The following PLXNA2 variants were observed in gnomAD, a reference collection of about 807,000 sequenced individuals.
The protein encoded by PLXNA2 is plexin A2, also known as plexin-A2.
A neutral mutation model predicts 193.5 loss-of-function variants in PLXNA2; 91 were observed. That is an observed-to-expected ratio of 0.47 (90% CI 0.40 to 0.56). The LOEUF is 0.56. Ranked by LOEUF, PLXNA2 falls within the 20% of genes least tolerant of loss-of-function variation. The pLI is 0.00. For missense variants in PLXNA2, 1,995 were observed against 2,503.2 expected, an observed-to-expected ratio of 0.80 and a Z score of 4.33; for synonymous variants, 997 against 1,027.3, an observed-to-expected ratio of 0.97 and a Z score of 0.56.
At chr1:208,060,970 G>C in intron 12 of PLXNA2, 133 bp from the exon 13 acceptor site, 1 of 698,434 alleles carries the variant, frequency 1.4e-6, no homozygotes, top group East Asian at 2.8e-5. Flanking sequence ...ATTCTGGTGA[G>C]TGAGTGCGTT....
chr1:208,085,543 C>T (rs1416873576), intron 9 of PLXNA2, among the ~76,000 whole-genome samples: 1 of 152,214 alleles, frequency 6.6e-6, no homozygotes, highest in Non-Finnish European at 1.5e-5. Context: ...TGCTGGATTT[C>T]CTACAAGGTG....
chr1:208,118,745 T>G (rs1473493658), intron 4 of PLXNA2, among the ~76,000 whole-genome samples: 1 of 151,290 alleles, frequency 6.6e-6, no homozygotes, highest in Non-Finnish European at 1.5e-5. Flanking sequence ...AAAGATACAT[T>G]TTTTTTCTTT....
At position 208,051,024 on chromosome 1, in the gene PLXNA2, G is replaced by A. The variant is rs1310615294; in HGVS notation, c.3240C>T (p.Gly1080=). 6.2e-7 allele frequency: 1 copy of A among 1,612,456 alleles called. No homozygotes were observed. The highest frequency in any genetic ancestry group is 8.5e-7 in the Non-Finnish European group (1 of 1,178,600). The part of the protein sequence containing the change: ...QEPRIRVKFN[G]KESVNVCKVV... ...AGTTACTCACATTGACAGATTCTTT[G>A]CCATTGAATTTGACTCGGATCCTTG... Residue 1080 remains glycine, a synonymous_variant, in exon 17 of 32, where the codon GGC becomes GGT. Coordinates refer to ENST00000367033, the MANE Select transcript of PLXNA2 (RefSeq NM_025179.4).
chr1:208,029,392 C>G, intron 29 of PLXNA2: 1 of 1,074,036 alleles, frequency 9.3e-7, no homozygotes, highest in Non-Finnish European at 1.1e-6. Flanking sequence ...GGGCTTCACA[C>G]AAAGCCACCA....
intron 4 of PLXNA2, among the ~76,000 whole-genome samples, chr1:208,121,340 G>A (rs1046298801): frequency 6.6e-6 from 1 of 152,146 alleles, no homozygotes; most frequent in Non-Finnish European, 1.5e-5. Flanking sequence ...TGTTTTAGAA[G>A]CAGATGGTTA....
rs117739092 is a variant in PLXNA2, at chr1:208,171,797, A to G, written c.1372-29334T>C. ...CTTGAGCCCACGAGATCCAGGCTGCAGTGAGCCATGATTGCATCACTGCAT... is the reference window on the plus strand; with the variant it reads ...CTTGAGCCCACGAGATCCAGGCTGCGGTGAGCCATGATTGCATCACTGCAT... On this transcript the variant is annotated intron_variant, in intron 3 of 31. Coordinates refer to ENST00000367033, the MANE Select transcript of PLXNA2 (RefSeq NM_025179.4). Among the ~76,000 whole-genome samples the G allele has an allele frequency of 0.016, 2,440 of 152,234 alleles. 109 individuals carry two copies. In the East Asian group the frequency reaches 0.18, roughly 11 times the overall value.
In PLXNA2 at chr1:208,079,421, C is replaced by T; in HGVS notation, c.2425G>A (p.Glu809Lys). 6.2e-7 allele frequency: 1 copy of T among 1,608,962 alleles called. No individual in the cohort carries two copies. The highest frequency in any genetic ancestry group is 1.3e-5 in the African/African-American group (1 of 74,946). ...VHLYKCAAQR[E>K]SCGLCLKADR... is the part of the protein sequence containing the mutation. ...GCCTTGAGGCAGAGGCCGCAGCTCT[C>T]CCGCTGGGCTGCACACTTGTAGAGA... Residue 809 changes from glutamate to lysine, a missense_variant, in exon 12 of 32, where the codon GAG (glutamate) becomes AAG (lysine). Coordinates refer to ENST00000367033, the MANE Select transcript of PLXNA2 (RefSeq NM_025179.4).
chr1:208,119,154 T>A (rs1309248215), intron 4 of PLXNA2, among the ~76,000 whole-genome samples: 1 of 152,176 alleles, frequency 6.6e-6, no homozygotes, highest in Non-Finnish European at 1.5e-5. Flanking sequence ...TCTTTTTTTT[T>A]AGAGCAGGAG....
At chr1:208,069,880 A>G (rs1195695684) in intron 12 of PLXNA2, among the ~76,000 whole-genome samples, 1 of 152,228 alleles carries the variant, frequency 6.6e-6, no homozygotes, top group East Asian at 1.9e-4. Context: ...GCTTATAATG[A>G]GTAAGGAATT....
At chr1:208,231,351 G>A (rs567005702) in intron 1 of PLXNA2, among the ~76,000 whole-genome samples, 7 of 152,118 alleles carry the variant, frequency 4.6e-5, no homozygotes, top group African/African-American at 9.6e-5. Context: ...GGAGGGAAGC[G>A]GGAGGGAGGG....
chr1:208,152,668 TAC>T (rs10564360), intron 3 of PLXNA2, among the ~76,000 whole-genome samples: 37,279 of 137,344 alleles, frequency 0.27, 5,349 homozygotes, highest in Non-Finnish European at 0.35. Context: ...TGCATACACA[TAC>T]ACACACACAC....
At chr1:208,196,211 C>T (rs1260420426) in intron 3 of PLXNA2, among the ~76,000 whole-genome samples, 1 of 152,128 alleles carries the variant, frequency 6.6e-6, no homozygotes, top group African/African-American at 2.4e-5. Context: ...CAACAATCAC[C>T]CAACAGGAAT....
intron 8 of PLXNA2, among the ~76,000 whole-genome samples, chr1:208,095,016 A>G (rs1666835199): frequency 2.0e-5 from 3 of 152,178 alleles, no homozygotes; most frequent in Non-Finnish European, 4.4e-5. Flanking sequence ...AGACCTGACT[A>G]TGATGTGGAT....
chr1:208,031,003 C>T, intron 29 of PLXNA2: 1 of 987,838 alleles, frequency 1.0e-6, no homozygotes. Context: ...CCTGCTGCTT[C>T]CTGAAAGCTA....
intron 4 of PLXNA2, among the ~76,000 whole-genome samples, chr1:208,107,269 C>G (rs533576445): frequency 1.3e-5 from 2 of 152,172 alleles, no homozygotes; most frequent in African/African-American, 4.8e-5. Context: ...CCGATTCTTA[C>G]GCAGGCCAAC....
intron 26 of PLXNA2, among the ~76,000 whole-genome samples, chr1:208,034,831 C>G (rs1370694911): frequency 6.6e-6 from 1 of 151,812 alleles, no homozygotes; most frequent in Non-Finnish European, 1.5e-5. Flanking sequence ...GTGGTTAATC[C>G]CAACTAAGAT....
At chr1:208,042,485 C>G in intron 21 of PLXNA2, 119 bp from the exon 22 acceptor site, 1 of 1,057,678 alleles carries the variant, frequency 9.5e-7, no homozygotes. Flanking sequence ...ATGTTTGAGG[C>G]CTATAACCAA....
intron 3 of PLXNA2, among the ~76,000 whole-genome samples, chr1:208,154,732 C>T (rs755577765): frequency 2.6e-5 from 4 of 152,198 alleles, no homozygotes; most frequent in African/African-American, 2.4e-5. Context: ...ATCTTCCCTT[C>T]CAATAGACAT....
rs188965725 is a variant in PLXNA2, at chr1:208,123,785, C to T, written c.1506+18544G>A. On this transcript the variant is annotated intron_variant, in intron 4 of 31. Transcript: ENST00000367033. The stretch of plus-strand genomic sequence containing the variant: ...CAGAAAGCAGTACCCTTGGGCCAAA[C>T]GCAGTTTCTGAGGTTGGAGGAGCTT... 1.4e-3 allele frequency among the ~76,000 whole-genome samples: 212 copies of T among 152,312 alleles called. 2 individuals are homozygous for T. The highest frequency in any genetic ancestry group is 8.3e-4 in the South Asian group (4 of 4,826).
Sources: gnomAD v4.1 joint callset for allele counts (sites outside exome capture counted in the v4.1 genomes callset) on GRCh38, gnomAD v4.1.1 for gene constraint, MANE v1.5 for transcripts, NCBI Gene and HGNC (gene_info 2026-07-23, HGNC 2026-07-21) for gene names.